The following WFDC1 variants were observed in gnomAD, a reference collection of about 807,000 sequenced individuals.
The protein encoded by WFDC1 is WAP four-disulfide core domain 1.
Under a neutral mutation model 32.9 loss-of-function variants are expected in WFDC1, and 39 were observed. The observed-to-expected ratio is 1.19, with a 90% CI of 0.92 to 1.55. The LOEUF (loss-of-function observed/expected upper bound fraction) is 1.55. Among genes scored for constraint, WFDC1 ranks in the 40% most tolerant of loss-of-function variants. The pLI, the probability that WFDC1 is intolerant of heterozygous loss-of-function variation, is 0.00. For missense variants in WFDC1, 386 were observed against 309.5 expected, an observed-to-expected ratio of 1.25 and a Z score of -1.85; for synonymous variants, 184 against 137.4, an observed-to-expected ratio of 1.34 and a Z score of -2.37.
At chr16:84,298,945 C>T (rs1372316544) in intron 1 of WFDC1, among the ~76,000 whole-genome samples, 1 of 152,162 alleles carries the variant, frequency 6.6e-6, no homozygotes, top group Non-Finnish European at 1.5e-5. Flanking sequence ...ATCTGCAGCA[C>T]GGGACACAGT....
intron 1 of WFDC1, among the ~76,000 whole-genome samples, chr16:84,296,549 T>C (rs1906608376): frequency 6.6e-6 from 1 of 151,852 alleles, no homozygotes; most frequent in African/African-American, 2.4e-5. Flanking sequence ...GAAGGGAGAA[T>C]GATTAATGAC....
At chr16:84,325,307 G>T (rs1908527150) in intron 5 of WFDC1, among the ~76,000 whole-genome samples, 1 of 151,296 alleles carries the variant, frequency 6.6e-6, no homozygotes, top group Admixed American at 6.6e-5. Flanking sequence ...GGTTCAAGCA[G>T]TTCTCCTGCG....
chr16:84,317,339 AG>A (rs1296179770), intron 2 of WFDC1: 23 of 124,466 alleles, frequency 1.8e-4, no homozygotes, highest in Non-Finnish European at 2.7e-4. Flanking sequence ...TAAATAAATA[AG>A]AAGTAAATAA....
chr16:84,298,758 G>A (rs1906758775), intron 1 of WFDC1, among the ~76,000 whole-genome samples: 1 of 152,312 alleles, frequency 6.6e-6, no homozygotes, highest in Admixed American at 6.5e-5. Context: ...TGTCCTGAGT[G>A]CTGTTTATGC....
At chr16:84,314,916 C>T (rs1907860630) in intron 2 of WFDC1, among the ~76,000 whole-genome samples, 1 of 152,240 alleles carries the variant, frequency 6.6e-6, no homozygotes, top group Non-Finnish European at 1.5e-5. Flanking sequence ...ACATGGCATT[C>T]CCAATAGCCT....
intron 4 of WFDC1, among the ~76,000 whole-genome samples, chr16:84,320,463 C>T (rs895992970): frequency 1.3e-5 from 2 of 152,212 alleles, no homozygotes; most frequent in African/African-American, 2.4e-5. Flanking sequence ...TTGTGTTCGT[C>T]TTTGGACACA....
rs1415148114 is a variant in WFDC1 at position 84,329,385 on chromosome 16, T to C, written c.*79T>C. On this transcript the variant is annotated 3_prime_UTR_variant, in exon 7 of 7. Transcript: ENST00000219454. ...TTGGAAACAGTTGGGAAAAGTAGTT[T>C]GACCCTCACAGTTCACATTCAGCTC... 1 of 152,224 alleles carries C rather than the reference T, an allele frequency of 6.6e-6. No individual in the cohort carries two copies. Among genetic ancestry groups the C allele is most frequent in the African/African-American group, 2.4e-5 (1 of 41,436 alleles). The allele number at this position is 152,224 out of a possible 1,614,324, so 9.4% of individuals were successfully genotyped here. A position where few individuals can be genotyped will look rare whatever the true frequency, so the allele number is the denominator to read the frequency against.
chr16:84,323,855 T>A (rs1908439204), intron 4 of WFDC1, among the ~76,000 whole-genome samples: 1 of 152,246 alleles, frequency 6.6e-6, no homozygotes, highest in Non-Finnish European at 1.5e-5. Flanking sequence ...GCATGGCGGC[T>A]CACGCCTGTA....
intron 1 of WFDC1, among the ~76,000 whole-genome samples, chr16:84,312,378 T>C (rs1401364224): frequency 6.6e-6 from 1 of 152,102 alleles, no homozygotes. Flanking sequence ...TGGCCTGTTT[T>C]TGAGCTGCAA....
At chr16:84,300,161 A>C (rs556315971) in intron 1 of WFDC1, among the ~76,000 whole-genome samples, 1 of 152,260 alleles carries the variant, frequency 6.6e-6, no homozygotes, top group Non-Finnish European at 1.5e-5. Context: ...TACCGTAAGC[A>C]TCTGTGTCTG....
intron 1 of WFDC1, among the ~76,000 whole-genome samples, chr16:84,303,052 G>A (rs1907040649): frequency 6.7e-6 from 1 of 149,382 alleles, no homozygotes; most frequent in African/African-American, 2.5e-5. Context: ...TCCCTCTGAG[G>A]AAGTCCCATT....
At chr16:84,306,004 AAATAATAATAATAATAATAATAATAAT>A (rs141595518) in intron 1 of WFDC1, among the ~76,000 whole-genome samples, 10 of 144,558 alleles carry the variant, frequency 6.9e-5, no homozygotes, top group South Asian at 6.7e-4. Context: ...CCTTTTCTCA[AAATAATAATAATAATAATAATAATAAT>A]AATAATAATA....
chr16:84,312,747 AGTTATTTCGTGCCGACT>A (rs1049964809), intron 1 of WFDC1, among the ~76,000 whole-genome samples, 197 bp from the exon 2 acceptor site: 16 of 152,126 alleles, frequency 1.1e-4, no homozygotes, highest in African/African-American at 3.4e-4. Context: ...CTGGGCTTTC[AGTTATTTCGTGCCGACT>A]GTTATAAAAA....
At chr16:84,322,160 C>CGTGTGTGTGTGCGTGTGTGTGT (rs1908344676) in intron 4 of WFDC1, among the ~76,000 whole-genome samples, 1 of 142,186 alleles carries the variant, frequency 7.0e-6, no homozygotes, top group Non-Finnish European at 1.5e-5. Context: ...TGTGTGTGTG[C>CGTGTGTGTGTGCGTGTGTGTGT]GTGTGTGTGT....
At chr16:84,325,578 C>G (rs140768244) in intron 5 of WFDC1, 7 of 151,060 alleles carry the variant, frequency 4.6e-5, no homozygotes, top group African/African-American at 1.7e-4. Context: ...CATCCACCCA[C>G]CATCCATCCA....
chr16:84,326,671 A>C lies in WFDC1; in HGVS notation c.605-211A>C. The C allele has an allele frequency of 7.1e-6, 4 of 562,490 alleles. No individual in the cohort carries two copies. In the East Asian group the frequency reaches 8.7e-5, roughly 12 times the overall value. The allele number at this position is 562,490 out of a possible 1,614,324, so 34.8% of individuals were successfully genotyped here. A position where few individuals can be genotyped will look rare whatever the true frequency, so the allele number is the denominator to read the frequency against. ...TGAGCTGTGGAGGTGGTGGGAGGTA[A>C]GACCAGAAACATAGACAGAGCTGGT... On this transcript the variant is annotated intron_variant, in intron 5 of 6. Coordinates refer to ENST00000219454, the MANE Select transcript of WFDC1 (RefSeq NM_021197.4).
intron 1 of WFDC1, among the ~76,000 whole-genome samples, chr16:84,307,581 AAGTCCCAGGACTGGG>A (rs1364579822): frequency 6.6e-6 from 1 of 152,178 alleles, no homozygotes; most frequent in Non-Finnish European, 1.5e-5. Context: ...GCCATTAAGG[AAGTCCCAGGACTGGG>A]AGGCATTTGT....
rs1244533987 is a variant in WFDC1, at chr16:84,329,375, A to G, written c.*69A>G. The G allele has an allele frequency of 3.3e-5, 5 of 151,882 alleles. No homozygotes were observed. The highest frequency in any genetic ancestry group is 1.2e-4 in the African/African-American group (5 of 41,116). The allele number at this position is 151,882 out of a possible 1,614,324, so 9.4% of individuals were successfully genotyped here. ...CTGCTAAGCCTTGGAAACAGTTGGG[A>G]AAAGTAGTTTGACCCTCACAGTTCA... On this transcript the variant is annotated 3_prime_UTR_variant, in exon 7 of 7. Transcript: ENST00000219454.
chr16:84,310,837 T>C (rs1907572686), intron 1 of WFDC1, among the ~76,000 whole-genome samples: 1 of 152,214 alleles, frequency 6.6e-6, no homozygotes, highest in Non-Finnish European at 1.5e-5. Flanking sequence ...CAGGTTTTCA[T>C]GGCTGTCTAC....
Sources: gnomAD v4.1 joint callset for allele counts (sites outside exome capture counted in the v4.1 genomes callset) on GRCh38, gnomAD v4.1.1 for gene constraint, MANE v1.5 for transcripts, NCBI Gene and HGNC (gene_info 2026-07-23, HGNC 2026-07-21) for gene names.